The following RGSL1 variants were observed in gnomAD, a reference collection of about 807,000 sequenced individuals.
The protein encoded by RGSL1 is regulator of G protein signaling like 1.
Under a neutral mutation model 124.7 loss-of-function variants are expected in RGSL1, and 97 were observed. That is an observed-to-expected ratio of 0.78 (90% CI 0.66 to 0.92). The LOEUF (loss-of-function observed/expected upper bound fraction) is 0.92, where lower values mean the gene tolerates loss of function less well. Ranked by LOEUF, RGSL1 falls within the 40% of genes least tolerant of loss-of-function variation. The pLI, the probability that RGSL1 is intolerant of heterozygous loss-of-function variation, is 0.00. For missense variants in RGSL1, 1,233 were observed against 1,288.4 expected (o/e 0.96, Z 0.66); for synonymous variants, 424 against 438.1 (o/e 0.97, Z 0.40).
At chr1:182,460,690 A>G in intron 4 of RGSL1, 1 of 456,072 alleles carries the variant, frequency 2.2e-6, no homozygotes, top group East Asian at 6.9e-5. Flanking sequence ...GAAGATGATG[A>G]AATAGGAAGC....
Position 182,488,486 on chromosome 1 carries a change from C to G in RGSL1, c.1494+139C>G, listed in dbSNP as rs572090485. 2.2e-4 allele frequency: 183 copies of G among 833,494 alleles called. No homozygotes were observed. In the East Asian group the frequency reaches 4.9e-3, roughly 22 times the overall value. 51.6% of individuals were successfully genotyped at this position (833,494 alleles called of 1,614,324 possible). A position where few individuals can be genotyped will look rare whatever the true frequency, so the allele number is the denominator to read the frequency against. On this transcript the variant is annotated intron_variant, in intron 7 of 21. Transcript: ENST00000294854. ...AGTCAACCAAAGATCAGCATGGTCC[C>G]TGTTGTTCTAAAGCTAAACCTCTCA...
At chr1:182,533,650 C>G (rs1659344961) in intron 14 of RGSL1, among the ~76,000 whole-genome samples, 4 of 152,144 alleles carry the variant, frequency 2.6e-5, no homozygotes, top group Admixed American at 2.0e-4. Flanking sequence ...TACTTTGTAT[C>G]TCCATTTTCT....
chr1:182,540,406 T>C lies in RGSL1; in HGVS notation c.2654T>C (p.Phe885Ser). 1 of 1,550,348 alleles carries C rather than the reference T, an allele frequency of 6.5e-7. No homozygotes were observed. Among genetic ancestry groups the C allele is most frequent in the Non-Finnish European group, 8.7e-7 (1 of 1,146,334 alleles). ...TTTGCGATCAATGATCTATATTTCT[T>C]TTCTGAAATGGAGAAGTAAGTTTTC... is the stretch of plus-strand genomic sequence containing the variant. ...VNFAINDLYFFSEMEKFNDLV... is the reference protein window; with the variant it reads ...VNFAINDLYFSSEMEKFNDLV... The change falls in exon 15 of 22, where the codon TTT becomes TCT. Residue 885 changes from phenylalanine (F) to serine (S), a missense_variant. Phe to Ser is a radical substitution (Grantham distance 155). Transcript: ENST00000294854.
chr1:182,548,465 A>G lies in RGSL1; in HGVS notation c.2808+10A>G, dbSNP rs1403753610. 6.4e-7 allele frequency: 1 copy of G among 1,550,906 alleles called. No individual in the cohort carries two copies. The highest frequency in any genetic ancestry group is 2.4e-5 in the East Asian group (1 of 40,910). On this transcript the variant is annotated intron_variant, in intron 16 of 21. Transcript: ENST00000294854. ...CCCTCCAAAGCTGAGGGTAAGAAAG[A>G]CTCCCACTCCACTCTGGCCTTTCAC...
chr1:182,461,643 A>G (rs1380214870), intron 4 of RGSL1, among the ~76,000 whole-genome samples: 1 of 152,170 alleles, frequency 6.6e-6, no homozygotes, highest in Non-Finnish European at 1.5e-5. Context: ...AACAAAATGG[A>G]AATATTAATA....
intron 14 of RGSL1, among the ~76,000 whole-genome samples, chr1:182,539,077 C>G (rs1659728098): frequency 6.6e-6 from 1 of 152,108 alleles, no homozygotes; most frequent in African/African-American, 2.4e-5. Flanking sequence ...AGCTACTCAA[C>G]AAATGTCAGT....
chr1:182,552,874 G>A (rs988654475), intron 18 of RGSL1, among the ~76,000 whole-genome samples: 2 of 152,140 alleles, frequency 1.3e-5, no homozygotes, highest in Non-Finnish European at 2.9e-5. Flanking sequence ...ATCCATTCAT[G>A]AGGGCAGACC....
chr1:182,450,175 G>A lies in RGSL1; in HGVS notation c.10G>A (p.Ala4Thr), dbSNP rs368344415. 1.3e-4 allele frequency: 199 copies of A among 1,552,154 alleles called. 4 individuals carry two copies. The South Asian group carries it at 2.2e-3, about 17-fold the overall frequency. The change falls in exon 1 of 22, where the codon GCT becomes ACT. Residue 4 changes from alanine (A) to threonine (T), a missense_variant. Ala to Thr is a moderately conservative substitution (Grantham distance 58, BLOSUM62 0). Transcript: ENST00000294854. MSS[A>T]EIIGSTNLII... Reference sequence around the variant, plus strand: ...GGAAGAGCATGGCAACATGAGCAGTGCTGGTGAGTCTCTGCCAGGGATGTC... The same window carrying A: ...GGAAGAGCATGGCAACATGAGCAGTACTGGTGAGTCTCTGCCAGGGATGTC...
Position 182,450,207 on chromosome 1 carries a change from G to C in RGSL1, c.13+29G>C, listed in dbSNP as rs181492726. ...AGTCTCTGCCAGGGATGTCTCCAAG[G>C]CCTTGAGTCTCTCAAATAAGGCAAA... On this transcript the variant is annotated intron_variant, in intron 1 of 21. Transcript: ENST00000294854. 142 of 1,551,922 alleles carry C rather than the reference G, an allele frequency of 9.1e-5. 1 individual carries two copies. In the African/African-American group the frequency reaches 1.6e-3, roughly 18 times the overall value.
chr1:182,530,538 T>TACACACACACACACACACAC (rs34247322), intron 12 of RGSL1, among the ~76,000 whole-genome samples, 177 bp downstream of exon 12: 1 of 149,140 alleles, frequency 6.7e-6, no homozygotes, highest in African/African-American at 2.5e-5. Context: ...CACACACACA[T>TACACACACACACACACACAC]ACACACACAC....
chr1:182,548,858 T>A (rs1660390353), intron 17 of RGSL1, 34 bp downstream of exon 17: 1 of 1,548,900 alleles, frequency 6.5e-7, no homozygotes, highest in Non-Finnish European at 8.7e-7. Flanking sequence ...GACTGTTAGG[T>A]CAGGAAAACA....
In RGSL1 at chr1:182,516,341, TC is replaced by T. The variant is rs985535965; in HGVS notation, c.1826-5662del. Among the ~76,000 whole-genome samples, 8 of 152,340 alleles carry T rather than the reference TC, an allele frequency of 5.3e-5. 1 individual carries two copies. The highest frequency in any genetic ancestry group is 1.9e-4 in the East Asian group (1 of 5,180). On this transcript the variant is annotated intron_variant, in intron 9 of 21. Coordinates refer to ENST00000294854, the MANE Select transcript of RGSL1 (RefSeq NM_001137669.2). ...CCGTCTCTATCTCCTGTCCATATCA[TC>T]TGTATGGGTGAAGTTAATTTCTTGC...
At chr1:182,498,307 T>G (rs369625613) in intron 9 of RGSL1, among the ~76,000 whole-genome samples, 7 of 22,090 alleles carry the variant, frequency 3.2e-4, no homozygotes, top group Non-Finnish European at 1.3e-3. Flanking sequence ...TCTTGCTTTT[T>G]TGTATATGCC....
At chr1:182,465,791 G>A (rs1653271341) in intron 4 of RGSL1, among the ~76,000 whole-genome samples, 1 of 152,000 alleles carries the variant, frequency 6.6e-6, no homozygotes, top group Admixed American at 6.6e-5. Context: ...TGAAGAGGCA[G>A]GATCACTTTC....
rs141194898 is a variant in RGSL1, at chr1:182,521,991, A to ATT, written c.1826-4_1826-3dup. On this transcript the variant is annotated splice_polypyrimidine_tract_variant and intron_variant, in intron 9 of 21. Coordinates refer to ENST00000294854, the MANE Select transcript of RGSL1 (RefSeq NM_001137669.2). Reference sequence around the variant, plus strand: ...TAATATAGTGTTCTCCAACTTAGTGATTTTTTTTTTAGATTTTAAAATGGA... The same window carrying ATT: ...TAATATAGTGTTCTCCAACTTAGTGATTTTTTTTTTTTAGATTTTAAAATGGA... 5.1e-5 allele frequency: 61 copies of ATT among 1,203,564 alleles called. No homozygotes were observed. In the African/African-American group the frequency reaches 8.5e-4, roughly 17 times the overall value. The allele number at this position is 1,203,564 out of a possible 1,614,324, so 74.6% of individuals were successfully genotyped here.
At chr1:182,550,243 A>G (rs1281064415) in intron 17 of RGSL1, 1 of 152,190 alleles carries the variant, frequency 6.6e-6, no homozygotes, top group African/African-American at 2.4e-5. Context: ...TAAGTGGTAA[A>G]ACCAGCATTA....
Position 182,450,499 on chromosome 1 carries a change from G to A in RGSL1, c.13+321G>A, listed in dbSNP as rs2101968943. The A allele has an allele frequency of 1.1e-5, 4 of 378,926 alleles. No homozygotes were observed. The South Asian group carries it at 1.4e-4, about 13-fold the overall frequency. 23.5% of individuals were successfully genotyped at this position (378,926 alleles called of 1,614,324 possible). ...AGATTATGCAGTGATTTCATTTGTTGCCAAGTCAATATTATTATGGCGTGG... is the reference window on the plus strand; with the variant it reads ...AGATTATGCAGTGATTTCATTTGTTACCAAGTCAATATTATTATGGCGTGG... On this transcript the variant is annotated intron_variant, in intron 1 of 21. Transcript: ENST00000294854.
At chr1:182,473,255 G>A (rs975404177) in intron 5 of RGSL1, among the ~76,000 whole-genome samples, 1 of 152,128 alleles carries the variant, frequency 6.6e-6, no homozygotes, top group African/African-American at 2.4e-5. Context: ...TTCAGATGTA[G>A]ATGTCTCTTG....
chr1:182,532,603 A>G (rs1571672853), intron 13 of RGSL1, 59 bp from the exon 14 acceptor site: 2 of 1,516,926 alleles, frequency 1.3e-6, no homozygotes, highest in East Asian at 5.0e-5. Flanking sequence ...CACACAGTAG[A>G]CTCTCGGTGA....
Sources: allele counts gnomAD v4.1 joint callset (sites outside exome capture counted in the v4.1 genomes callset), GRCh38; gene constraint gnomAD v4.1.1; transcripts MANE v1.5; gene names NCBI Gene and HGNC (gene_info 2026-07-23, HGNC 2026-07-21).